Variants in DLG2 observed in about 807,000 individuals in gnomAD.
The protein encoded by DLG2 is discs large MAGUK scaffold protein 2.
Under a neutral mutation model 132.5 loss-of-function variants are expected in DLG2, and 45 were observed. The observed-to-expected ratio is 0.34, with a 90% CI of 0.27 to 0.44. The LOEUF (loss-of-function observed/expected upper bound fraction) is 0.44, where lower values mean the gene tolerates loss of function less well. Ranked by LOEUF, DLG2 falls within the 20% of genes least tolerant of loss-of-function variation. The pLI is 1.00. For synonymous variants in DLG2, 424 were observed against 419.6 expected (o/e 1.01, Z -0.13); for missense variants, 1,045 against 1,196.9 (o/e 0.87, Z 1.87).
intron 6 of DLG2, among the ~76,000 whole-genome samples, chr11:85,110,257 G>GA (rs568400982): frequency 9.8e-4 from 146 of 149,582 alleles, no homozygotes; most frequent in East Asian, 3.9e-3. Context: ...CCAAAAATAC[G>GA]AAAAAAAAAA....
chr11:84,209,050 A>G (rs1266258788), intron 8 of DLG2, among the ~76,000 whole-genome samples: 4 of 152,326 alleles, frequency 2.6e-5, no homozygotes, highest in African/African-American at 7.2e-5. Context: ...ATACATACAT[A>G]TATTACCTAG....
At position 84,900,514 on chromosome 11, in the gene DLG2, T is replaced by C. The variant is rs2090754960; in HGVS notation, c.357+211147A>G. ...TATAAAAGGGATATATCCTTCAGCA[T>C]ACTTTAACAATGTGAAAATCTCTAT... On this transcript the variant is annotated intron_variant, in intron 6 of 27. Transcript: ENST00000376104. Among the ~76,000 whole-genome samples, 2 of 152,078 alleles carry C rather than the reference T, an allele frequency of 1.3e-5. 1 individual carries two copies. The highest frequency in any genetic ancestry group is 1.3e-4 in the Admixed American group (2 of 15,238).
chr11:85,563,213 T>C (rs1007236867), intron 3 of DLG2, among the ~76,000 whole-genome samples: 4 of 151,914 alleles, frequency 2.6e-5, no homozygotes, highest in East Asian at 1.9e-4. Context: ...ATCAAGTTTA[T>C]TGAGGTATAA....
intron 6 of DLG2, among the ~76,000 whole-genome samples, chr11:84,992,366 GACTGAT>G (rs1488412513): frequency 6.6e-6 from 1 of 152,104 alleles, no homozygotes; most frequent in Non-Finnish European, 1.5e-5. Flanking sequence ...CCAGATCCTA[GACTGAT>G]ATCCTGTAAC....
At chr11:85,380,265 A>G (rs2085767910) in intron 3 of DLG2, among the ~76,000 whole-genome samples, 1 of 152,226 alleles carries the variant, frequency 6.6e-6, no homozygotes. Context: ...TTCTCCCTCA[A>G]TATTCCCTTT....
chr11:84,450,318 T>G (rs952974164), intron 7 of DLG2, among the ~76,000 whole-genome samples: 2 of 151,536 alleles, frequency 1.3e-5, no homozygotes, highest in Non-Finnish European at 3.0e-5. Context: ...CAGAGAACAT[T>G]AGCCCATGAG....
rs981272306 is a variant in DLG2 at position 84,199,390 on chromosome 11, G to A, written c.574-35879C>T. Among the ~76,000 whole-genome samples the A allele has an allele frequency of 2.6e-5, 4 of 152,002 alleles. No homozygotes were observed. The South Asian group carries it at 6.2e-4, about 24-fold the overall frequency. On this transcript the variant is annotated intron_variant, in intron 8 of 27. Coordinates refer to ENST00000376104, the MANE Select transcript of DLG2 (RefSeq NM_001142699.3). The stretch of plus-strand genomic sequence containing the variant: ...AGAGCTCTCACTCTCTGGGAAAAAC[G>A]TTTTCCTATAAAACATGTCTAGTAT...
At chr11:84,413,968 A>G (rs2098919475) in intron 7 of DLG2, among the ~76,000 whole-genome samples, 1 of 152,202 alleles carries the variant, frequency 6.6e-6, no homozygotes, top group Non-Finnish European at 1.5e-5. Flanking sequence ...TTTTATCATA[A>G]TAGCAACACA....
intron 3 of DLG2, among the ~76,000 whole-genome samples, chr11:85,450,295 T>TA (rs1394347822): frequency 6.6e-6 from 1 of 152,116 alleles, no homozygotes; most frequent in African/African-American, 2.4e-5. Context: ...AGGGAGACAT[T>TA]TTTTTTCACC....
intron 4 of DLG2, among the ~76,000 whole-genome samples, chr11:85,175,417 C>A (rs62519445): frequency 4.1e-4 from 63 of 152,240 alleles, no homozygotes; most frequent in African/African-American, 1.5e-3. Flanking sequence ...ATTCAACATC[C>A]TTTTATGTTA....
chr11:83,895,014 A>G (rs2071182130), intron 15 of DLG2, among the ~76,000 whole-genome samples: 2 of 152,168 alleles, frequency 1.3e-5, no homozygotes, highest in African/African-American at 4.8e-5. Context: ...ATTGATTTGC[A>G]TTTTTAAAAA....
intron 3 of DLG2, among the ~76,000 whole-genome samples, chr11:85,413,838 C>T (rs185004276): frequency 9.9e-4 from 150 of 152,044 alleles, no homozygotes; most frequent in Middle Eastern, 3.4e-3. Flanking sequence ...TAATGTGATG[C>T]TTCCAGGTTT....
chr11:83,698,881 G>A (rs1287528334), intron 18 of DLG2, among the ~76,000 whole-genome samples: 1 of 152,160 alleles, frequency 6.6e-6, no homozygotes. Flanking sequence ...GTGGGATCAG[G>A]TGATTAGAGA....
intron 7 of DLG2, among the ~76,000 whole-genome samples, chr11:84,469,078 G>C (rs2099101928): frequency 1.3e-5 from 2 of 151,582 alleles, no homozygotes; most frequent in Admixed American, 1.3e-4. Flanking sequence ...ATTAAATAAT[G>C]ACTAATCTCT....
intron 6 of DLG2, among the ~76,000 whole-genome samples, chr11:84,684,065 TA>T (rs1211339046): frequency 1.3e-5 from 2 of 152,168 alleles, no homozygotes; most frequent in South Asian, 4.1e-4. Flanking sequence ...GCCTCATGAA[TA>T]AAAAATGTCC....
At chr11:84,983,218 T>C (rs1322615951) in intron 6 of DLG2, among the ~76,000 whole-genome samples, 4 of 152,292 alleles carry the variant, frequency 2.6e-5, no homozygotes, top group South Asian at 2.1e-4. Flanking sequence ...ACAGGCCCTC[T>C]GAAGGAAGCG....
chr11:85,514,821 G>A (rs72953977), intron 3 of DLG2, among the ~76,000 whole-genome samples: 4,179 of 151,920 alleles, frequency 0.028, 95 homozygotes, highest in East Asian at 0.088. Flanking sequence ...CCTACATACT[G>A]GGCAGAGGTT....
intron 18 of DLG2, among the ~76,000 whole-genome samples, chr11:83,781,501 G>A (rs796275981): frequency 9.2e-5 from 14 of 152,122 alleles, no homozygotes; most frequent in African/African-American, 3.1e-4. Context: ...CTGCTTTTTG[G>A]GCTTTTCTTT....
intron 6 of DLG2, among the ~76,000 whole-genome samples, chr11:84,551,099 A>G (rs2099400937): frequency 6.6e-6 from 1 of 152,162 alleles, no homozygotes; most frequent in African/African-American, 2.4e-5. Flanking sequence ...AACATGGGAA[A>G]GTTGAAAAAT....
Sources: gnomAD v4.1 joint callset for allele counts (sites outside exome capture counted in the v4.1 genomes callset) on GRCh38, gnomAD v4.1.1 for gene constraint, MANE v1.5 for transcripts, NCBI Gene and HGNC (gene_info 2026-07-23, HGNC 2026-07-21) for gene names.